Variants in PDE1C observed in about 807,000 individuals in gnomAD.
The protein encoded by PDE1C is phosphodiesterase 1C.
PDE1C carries 62 observed loss-of-function variants against 93.1 expected under a neutral mutation model. The observed-to-expected ratio is 0.67, with a 90% CI of 0.54 to 0.82. The LOEUF (loss-of-function observed/expected upper bound fraction) is 0.82, where lower values mean the gene tolerates loss of function less well. Among genes scored for constraint, PDE1C ranks in the 40% least tolerant of loss-of-function variants. PDE1C has a pLI of 0.00. For synonymous variants in PDE1C, 325 were observed against 310.1 expected (o/e 1.05, Z -0.50); for missense variants, 742 against 884.6 (o/e 0.84, Z 2.04).
At chr7:31,656,387 A>G in the PDE1C span, 1 of 428,056 alleles carries the variant, frequency 2.3e-6, no homozygotes, top group African/African-American at 2.2e-5. Context: ...TGGACAGAAT[A>G]AATACCATGA....
chr7:32,025,674 G>C (rs1359631063), intron 2 of PDE1C, among the ~76,000 whole-genome samples: 1 of 152,136 alleles, frequency 6.6e-6, no homozygotes, highest in East Asian at 1.9e-4. Flanking sequence ...TGCCACAGCA[G>C]GGAGAGGATG....
At chr7:32,293,716 CCTGA>C (rs1260716629) in intron 1 of PDE1C, among the ~76,000 whole-genome samples, 2 of 152,184 alleles carry the variant, frequency 1.3e-5, no homozygotes, top group African/African-American at 4.8e-5. Flanking sequence ...CCCTGCCGCA[CCTGA>C]CTGACTCTGA....
chr7:32,010,465 C>T (rs1428170398), intron 2 of PDE1C, among the ~76,000 whole-genome samples: 3 of 152,112 alleles, frequency 2.0e-5, no homozygotes, highest in African/African-American at 7.2e-5. Context: ...GAGTTTCAAA[C>T]CATACTTGCC....
At chr7:32,341,173 C>CTTTTTTTTTTTTTTTTTTTT (rs3079623) in intron 1 of PDE1C, among the ~76,000 whole-genome samples, 1 of 84,952 alleles carries the variant, frequency 1.2e-5, no homozygotes, top group Non-Finnish European at 2.1e-5. Context: ...GAAATAAAGT[C>CTTTTTTTTTTTTTTTTTTTT]TTTTTTTTTT....
chr7:32,267,756 C>A (rs1810710049), intron 1 of PDE1C, among the ~76,000 whole-genome samples: 1 of 152,062 alleles, frequency 6.6e-6, no homozygotes, highest in Non-Finnish European at 1.5e-5. Flanking sequence ...TCTTTTTCTC[C>A]CAGTCACTGC....
chr7:31,866,097 T>G (rs1459383222), intron 6 of PDE1C, among the ~76,000 whole-genome samples: 2 of 152,192 alleles, frequency 1.3e-5, no homozygotes. Context: ...CAGAAAACTT[T>G]CATTGTATTA....
At chr7:31,684,297 TTAAG>T in the PDE1C span, among the ~76,000 whole-genome samples, 1 of 152,186 alleles carries the variant, frequency 6.6e-6, no homozygotes, top group South Asian at 2.1e-4. Context: ...ACTGTGGAAA[TTAAG>T]TGACAAAAGG....
chr7:31,639,468 A>G, the PDE1C span, among the ~76,000 whole-genome samples: 3 of 151,090 alleles, frequency 2.0e-5, no homozygotes, highest in Non-Finnish European at 2.9e-5. Flanking sequence ...ATATCCACTT[A>G]ACATAGTTCA....
Position 31,787,096 on chromosome 7 carries a change from T to C in PDE1C, c.1892-11364A>G, listed in dbSNP as rs1173330615. 3 of 152,186 alleles carry C rather than the reference T, an allele frequency of 2.0e-5. No homozygotes were observed. The East Asian group carries it at 5.8e-4, about 29-fold the overall frequency. 9.4% of individuals were successfully genotyped at this position (152,186 alleles called of 1,614,324 possible). A position where few individuals can be genotyped will look rare whatever the true frequency, so the allele number is the denominator to read the frequency against. Reference sequence around the variant, plus strand: ...GGTCTTCAACTTTTGGATTACCGTCTCACATCCCATGATAATGTTGCTTTT... The same window carrying C: ...GGTCTTCAACTTTTGGATTACCGTCCCACATCCCATGATAATGTTGCTTTT... On this transcript the variant is annotated intron_variant, in intron 16 of 17. Coordinates refer to ENST00000396191, the MANE Select transcript of PDE1C (RefSeq NM_001191057.4).
At chr7:31,958,025 C>G (rs1808394582) in intron 2 of PDE1C, among the ~76,000 whole-genome samples, 1 of 152,126 alleles carries the variant, frequency 6.6e-6, no homozygotes, top group African/African-American at 2.4e-5. Context: ...AGTTCTAAAC[C>G]TTAAATATAC....
At chr7:31,648,497 A>G in the PDE1C span, among the ~76,000 whole-genome samples, 148,889 of 152,218 alleles carry the variant, frequency 0.98, 72,823 homozygotes, top group African/African-American at 0.98. Context: ...AGATGGCAGC[A>G]TTTCAGAATC....
chr7:31,793,676 GTT>G (rs575969245), intron 16 of PDE1C, among the ~76,000 whole-genome samples: 3 of 144,642 alleles, frequency 2.1e-5, no homozygotes, highest in African/African-American at 5.1e-5. Context: ...ATGGGTCCTC[GTT>G]TTTTTTTTTT....
At chr7:32,378,401 T>G (rs1225162363) in intron 1 of PDE1C, among the ~76,000 whole-genome samples, 2 of 152,180 alleles carry the variant, frequency 1.3e-5, no homozygotes, top group African/African-American at 4.8e-5. Context: ...TGAGAGGCAT[T>G]TAGTTTATAG....
intron 3 of PDE1C, among the ~76,000 whole-genome samples, chr7:32,120,801 A>G (rs1331651304): frequency 1.3e-5 from 2 of 152,156 alleles, no homozygotes; most frequent in East Asian, 3.8e-4. Context: ...GAAAACCCAA[A>G]AGGCCAGGTG....
chr7:32,331,053 C>T (rs1783503947), intron 1 of PDE1C, among the ~76,000 whole-genome samples: 2 of 152,200 alleles, frequency 1.3e-5, no homozygotes, highest in South Asian at 2.1e-4. Context: ...TTGACCTACA[C>T]TCTGGGCCAA....
chr7:31,877,716 T>C (rs1796766104), intron 5 of PDE1C, among the ~76,000 whole-genome samples: 1 of 149,750 alleles, frequency 6.7e-6, no homozygotes. Context: ...CAGATCACTG[T>C]ATAAAATCTA....
rs79814588 is a variant in PDE1C, at chr7:31,907,094, T to C, written c.129-26234A>G. On this transcript the variant is annotated intron_variant, in intron 2 of 17. Transcript: ENST00000396191. ...GGGTGTGTGTGTGTGTGTGTGTGTG[T>C]GTGTTTCTTACCTCAGGGCCAGAAC... Among the ~76,000 whole-genome samples, 810 of 152,010 alleles carry C rather than the reference T, an allele frequency of 5.3e-3. 9 individuals carry two copies. The highest frequency in any genetic ancestry group is 0.018 in the African/African-American group (752 of 41,464).
At chr7:32,240,054 GGTTT>G (rs1365905470) in intron 1 of PDE1C, among the ~76,000 whole-genome samples, 1 of 152,160 alleles carries the variant, frequency 6.6e-6, no homozygotes, top group African/African-American at 2.4e-5. Context: ...ATGAGTTAGA[GGTTT>G]GTTTGTGTGG....
intron 1 of PDE1C, among the ~76,000 whole-genome samples, chr7:32,399,563 C>G (rs1481400346): frequency 1.3e-5 from 2 of 149,416 alleles, no homozygotes; most frequent in Non-Finnish European, 3.0e-5. Flanking sequence ...CAGGGATCCA[C>G]CCTATGACTT....
Sources: gnomAD v4.1 joint callset for allele counts (sites outside exome capture counted in the v4.1 genomes callset) on GRCh38, gnomAD v4.1.1 for gene constraint, MANE v1.5 for transcripts, NCBI Gene and HGNC (gene_info 2026-07-23, HGNC 2026-07-21) for gene names.